Variants in LIPJ observed in about 807,000 individuals in gnomAD.
LIPJ encodes lipase member J.
LIPJ carries 33 observed loss-of-function variants against 39.8 expected under a neutral mutation model. That is an observed-to-expected ratio of 0.83 (90% CI 0.63 to 1.11). The LOEUF (loss-of-function observed/expected upper bound fraction) is 1.11, where lower values mean the gene tolerates loss of function less well. Among genes scored for constraint, LIPJ ranks in the 50% least tolerant of loss-of-function variants. The pLI, the probability that LIPJ is intolerant of heterozygous loss-of-function variation, is 0.00. For synonymous variants in LIPJ, 128 were observed against 139.2 expected (o/e 0.92, Z 0.57); for missense variants, 422 against 427.9 (o/e 0.99, Z 0.12).
chr10:88,593,922 G>T, intron 4 of LIPJ, 24 bp from the exon 5 acceptor site: 1 of 1,579,192 alleles, frequency 6.3e-7, no homozygotes, highest in Non-Finnish European at 8.6e-7. Flanking sequence ...AATTTATAAA[G>T]AACTTTCTAC....
At chr10:88,620,190 C>T in the LIPJ span, among the ~76,000 whole-genome samples, 1 of 151,558 alleles carries the variant, frequency 6.6e-6, no homozygotes, top group African/African-American at 2.4e-5. Context: ...AAGGAAAGAA[C>T]GAGGAGCTAT....
chr10:88,583,188 C>A (rs1028614230), upstream of LIPJ: 46 of 1,613,800 alleles, frequency 2.9e-5, no homozygotes, highest in Non-Finnish European at 3.8e-5. Context: ...GCACCTGCGC[C>A]ATGGCGAGAG....
At chr10:88,613,828 A>ATG in the LIPJ span, among the ~76,000 whole-genome samples, 35,998 of 117,042 alleles carry the variant, frequency 0.31, 6,612 homozygotes, top group Admixed American at 0.43. Flanking sequence ...ATATATATAT[A>ATG]TGTGTGTATA....
the LIPJ span, chr10:88,618,119 T>G: frequency 6.6e-6 from 1 of 152,162 alleles, no homozygotes; most frequent in African/African-American, 2.4e-5. Flanking sequence ...ATGTACAATC[T>G]GCATGTGGAT....
intron 8 of LIPJ, among the ~76,000 whole-genome samples, chr10:88,597,636 C>T (rs556396807): frequency 1.3e-4 from 20 of 151,970 alleles, no homozygotes; most frequent in African/African-American, 4.1e-4. Context: ...TCTCTTAATT[C>T]CCAAACACAT....
At chr10:88,583,217 G>A (rs769372937), upstream of LIPJ, 10 of 1,612,306 alleles carry the variant, frequency 6.2e-6, no homozygotes, top group Non-Finnish European at 1.7e-6. Context: ...GATCCGCGCT[G>A]AGTCTCTGCG....
At chr10:88,586,604 T>C (rs1850926181), upstream of LIPJ, 1 of 152,150 alleles carries the variant, frequency 6.6e-6, no homozygotes, top group African/African-American at 2.4e-5. Flanking sequence ...CTTTATTTTC[T>C]TCATCTCAAT....
upstream of LIPJ, chr10:88,585,688 C>T (rs1364370677): frequency 6.6e-6 from 1 of 151,910 alleles, no homozygotes; most frequent in East Asian, 1.9e-4. Context: ...ACTTTAGTGA[C>T]ACTAATGTTA....
chr10:88,617,942 C>G, the LIPJ span, among the ~76,000 whole-genome samples: 1 of 152,178 alleles, frequency 6.6e-6, no homozygotes, highest in Admixed American at 6.5e-5. Context: ...GCTCAATGGA[C>G]TATTGCTAAC....
the LIPJ span, among the ~76,000 whole-genome samples, chr10:88,622,598 G>A: frequency 4.6e-5 from 7 of 152,146 alleles, no homozygotes; most frequent in African/African-American, 1.7e-4. Flanking sequence ...CCAGGGACCA[G>A]ACTTTGAAAA....
chr10:88,600,106 CT>C (rs1394125233), intron 8 of LIPJ, among the ~76,000 whole-genome samples: 21 of 151,878 alleles, frequency 1.4e-4, no homozygotes, highest in African/African-American at 5.1e-4. Context: ...TTTATTATTA[CT>C]TATGTTAAGT....
At chr10:88,591,058 G>A (rs187994028) in intron 3 of LIPJ, among the ~76,000 whole-genome samples, 182 of 151,876 alleles carry the variant, frequency 1.2e-3, no homozygotes, top group African/African-American at 4.0e-3. Flanking sequence ...TTGTATACGA[G>A]TGGGTAGGTA....
the LIPJ span, among the ~76,000 whole-genome samples, chr10:88,613,996 A>G: frequency 4.0e-5 from 6 of 151,088 alleles, no homozygotes; most frequent in Admixed American, 6.6e-5. Flanking sequence ...TAGAAAAAAT[A>G]CTTAAAGAGG....
intron 8 of LIPJ, among the ~76,000 whole-genome samples, 156 bp from the exon 9 acceptor site, chr10:88,602,420 A>G (rs1851520215): frequency 6.6e-6 from 1 of 152,054 alleles, no homozygotes; most frequent in Non-Finnish European, 1.5e-5. Context: ...TTGAATAAGT[A>G]TATTTAATTA....
chr10:88,613,432 G>T, the LIPJ span, among the ~76,000 whole-genome samples: 2 of 151,932 alleles, frequency 1.3e-5, no homozygotes, highest in African/African-American at 4.8e-5. Flanking sequence ...GAGATGGGGA[G>T]GCGGGGAATG....
At chr10:88,597,277 T>C (rs547209990) in intron 8 of LIPJ, among the ~76,000 whole-genome samples, 7 of 151,968 alleles carry the variant, frequency 4.6e-5, no homozygotes, top group African/African-American at 1.7e-4. Flanking sequence ...TGTAACTCCA[T>C]AACTGCTCCT....
the LIPJ span, among the ~76,000 whole-genome samples, chr10:88,620,257 A>T: frequency 6.6e-6 from 1 of 152,210 alleles, no homozygotes; most frequent in Non-Finnish European, 1.5e-5. Flanking sequence ...TGGAATCCAA[A>T]ATAGGATTCT....
exon 8 of LIPJ, chr10:88,596,894 C>T (rs768526914): frequency 5.7e-6 from 9 of 1,584,510 alleles, no homozygotes; most frequent in Non-Finnish European, 7.8e-6. Flanking sequence ...GCCTCAATAT[C>T]TTGTTTATGA....
At chr10:88,589,506 T>C (rs1295054509) in intron 2 of LIPJ, among the ~76,000 whole-genome samples, 1 of 151,916 alleles carries the variant, frequency 6.6e-6, no homozygotes, top group African/African-American at 2.4e-5. Context: ...TATAAATACC[T>C]GGACCAAAGG....
Sources: gnomAD v4.1 joint callset for allele counts (sites outside exome capture counted in the v4.1 genomes callset) on GRCh38, gnomAD v4.1.1 for gene constraint, MANE v1.5 for transcripts, NCBI Gene and HGNC (gene_info 2026-07-23, HGNC 2026-07-21) for gene names.